The following CDKL5 variants were observed in gnomAD, a reference collection of about 807,000 sequenced individuals.
CDKL5 encodes the protein cyclin-dependent kinase-like 5.
CDKL5 carries 8 observed loss-of-function variants against 61.7 expected under a neutral mutation model. The ratio of observed to expected loss-of-function variants is 0.13; its 90% CI spans 0.08 to 0.23. The LOEUF (loss-of-function observed/expected upper bound fraction) is 0.23, where lower values mean the gene tolerates loss of function less well. Among genes scored for constraint, CDKL5 ranks in the 10% least tolerant of loss-of-function variants. CDKL5 has a pLI of 1.00. For synonymous variants in CDKL5, 275 were observed against 272.3 expected, an observed-to-expected ratio of 1.01 and a Z score of -0.10; for missense variants, 440 against 734.5, an observed-to-expected ratio of 0.60 and a Z score of 4.63.
intron 1 of CDKL5, among the ~76,000 whole-genome samples, chrX:18,469,702 G>T (rs1921017060): frequency 9.0e-6 from 1 of 110,845 alleles, no homozygotes; most frequent in Non-Finnish European, 1.9e-5. Context: ...TCTAGTTCAG[G>T]ATTTGAATGC....
At chrX:18,473,138 TAG>T (rs1200435350) in intron 1 of CDKL5, among the ~76,000 whole-genome samples, 3 of 109,068 alleles carry the variant, frequency 2.8e-5, no homozygotes, top group African/African-American at 1.0e-4. Flanking sequence ...GTATTTTTAG[TAG>T]AGAGAGGGGG....
At chrX:18,447,172 G>A (rs1046587879) in intron 1 of CDKL5, among the ~76,000 whole-genome samples, 3 of 111,194 alleles carry the variant, frequency 2.7e-5, no homozygotes, top group Non-Finnish European at 5.7e-5. Context: ...GGGTAGAGGC[G>A]TGTAGATATC....
chrX:18,441,604 T>G (rs1237991049), intron 1 of CDKL5, among the ~76,000 whole-genome samples: 2 of 111,363 alleles, frequency 1.8e-5, no homozygotes, highest in African/African-American at 3.3e-5. Context: ...TCCTTTTCAC[T>G]GTTACATTGG....
chrX:18,544,759 G>A (rs909304964), intron 3 of CDKL5, among the ~76,000 whole-genome samples: 1 of 112,579 alleles, frequency 8.9e-6, no homozygotes, highest in Non-Finnish European at 1.9e-5. Context: ...ACTAAAGTAC[G>A]TTTCTAATTA....
intron 1 of CDKL5, among the ~76,000 whole-genome samples, chrX:18,428,745 A>G (rs1426309955): frequency 9.3e-6 from 1 of 107,796 alleles, no homozygotes; most frequent in Non-Finnish European, 1.9e-5. Context: ...TTTTTGCAAC[A>G]TCAAATAATT....
At chrX:18,476,259 A>G (rs376212490) in intron 1 of CDKL5, among the ~76,000 whole-genome samples, 1 of 111,387 alleles carries the variant, frequency 9.0e-6, no homozygotes. Flanking sequence ...TGTGTTGCCC[A>G]GGCTGGAGTG....
intron 1 of CDKL5, among the ~76,000 whole-genome samples, chrX:18,437,397 T>G (rs767103149): frequency 1.8e-5 from 2 of 112,259 alleles, no homozygotes; most frequent in Non-Finnish European, 3.8e-5. Context: ...CTCTTCCATA[T>G]TTAAACTTAA....
intron 12 of CDKL5, 110 bp from the exon 13 acceptor site, chrX:18,608,701 A>G: frequency 1.9e-6 from 1 of 539,667 alleles, no homozygotes. Flanking sequence ...GCCAACTAAC[A>G]TTTTTTATTT....
At chrX:18,648,837 C>T (rs1779551791) in intron 20 of CDKL5, among the ~76,000 whole-genome samples, 1 of 110,515 alleles carries the variant, frequency 9.0e-6, no homozygotes, top group Non-Finnish European at 1.9e-5. Flanking sequence ...TGCCTGTAAT[C>T]CCAGTGCTTT....
At chrX:18,623,822 C>G (rs1602297836) in intron 16 of CDKL5, 1 of 671,228 alleles carries the variant, frequency 1.5e-6, no homozygotes, top group Admixed American at 9.3e-5. Flanking sequence ...CTAGTAGTTT[C>G]AATAAGAGCA....
At chrX:18,532,537 A>G (rs1923684751) in intron 3 of CDKL5, among the ~76,000 whole-genome samples, 1 of 111,853 alleles carries the variant, frequency 8.9e-6, no homozygotes, top group Admixed American at 9.5e-5. Flanking sequence ...AACTAATGAG[A>G]ATAAATGTGG....
chrX:18,626,942 G>T (rs1011101068), intron 17 of CDKL5: 1 of 108,728 alleles, frequency 9.2e-6, no homozygotes, highest in Non-Finnish European at 1.9e-5. Flanking sequence ...TAGAGACGGG[G>T]TCTCGCCTTG....
At position 18,439,880 on chromosome X, in the gene CDKL5, A is replaced by G. The variant is rs953049929; in HGVS notation, c.-163+14185A>G. Among the ~76,000 whole-genome samples the G allele has an allele frequency of 6.4e-5, 7 of 108,690 alleles. No individual in the cohort carries two copies. The East Asian group carries it at 2.1e-3, about 32-fold the overall frequency. The allele number at this position is 108,690 out of a possible 115,157, so 94.4% of individuals were successfully genotyped here. A position where few individuals can be genotyped will look rare whatever the true frequency, so the allele number is the denominator to read the frequency against. The stretch of plus-strand genomic sequence containing the variant: ...CTTTGTTTATACTATACTGTAGTCT[A>G]TTAAGTGTGCAATAACATTATGTCT... On this transcript the variant is annotated intron_variant, in intron 1 of 17. Coordinates refer to ENST00000623535, the MANE Select transcript of CDKL5 (RefSeq NM_001323289.2).
chrX:18,546,906 G>T (rs191359113), intron 3 of CDKL5, among the ~76,000 whole-genome samples: 70 of 111,601 alleles, frequency 6.3e-4, no homozygotes, highest in Non-Finnish European at 7.5e-4. Flanking sequence ...GCTTCCTGCA[G>T]GAGGGTTTTG....
At chrX:18,553,848 T>C (rs764201850) in intron 3 of CDKL5, among the ~76,000 whole-genome samples, 4 of 111,381 alleles carry the variant, frequency 3.6e-5, no homozygotes, top group African/African-American at 1.3e-4. Flanking sequence ...ATTAGTATTT[T>C]CATAAGACTA....
intron 3 of CDKL5, chrX:18,536,035 CAG>C (rs1923813949): frequency 8.9e-6 from 1 of 112,372 alleles, no homozygotes; most frequent in Non-Finnish European, 1.9e-5. Flanking sequence ...TGCTGATAAA[CAG>C]AGTTCTTAAA....
At chrX:18,592,357 AATC>A (rs1359221863) in intron 9 of CDKL5, among the ~76,000 whole-genome samples, 1 of 112,720 alleles carries the variant, frequency 8.9e-6, no homozygotes, top group East Asian at 2.8e-4. Flanking sequence ...GAAAGTTAGA[AATC>A]ATCATTGGGG....
intron 1 of CDKL5, among the ~76,000 whole-genome samples, chrX:18,464,823 GA>G (rs896532027): frequency 1.8e-5 from 2 of 111,922 alleles, no homozygotes; most frequent in Admixed American, 9.5e-5. Context: ...TATTGACTAA[GA>G]GTTGGTCTGC....
intron 1 of CDKL5, among the ~76,000 whole-genome samples, chrX:18,435,646 C>T (rs1411750657): frequency 9.0e-6 from 1 of 111,246 alleles, no homozygotes; most frequent in African/African-American, 3.3e-5. Context: ...GGCTCACTGC[C>T]ACCTCCGCCT....
Sources: gnomAD v4.1 joint callset for allele counts (sites outside exome capture counted in the v4.1 genomes callset) on GRCh38, gnomAD v4.1.1 for gene constraint, MANE v1.5 for transcripts, NCBI Gene and HGNC (gene_info 2026-07-23, HGNC 2026-07-21) for gene names.